The following KCNJ4 variants were observed in gnomAD, a reference collection of about 807,000 sequenced individuals.
KCNJ4 encodes the protein potassium inwardly rectifying channel subfamily J member 4.
A neutral mutation model predicts 25.6 loss-of-function variants in KCNJ4; 3 were observed. The observed-to-expected ratio is 0.12, with a 90% CI of 0.05 to 0.30. The LOEUF (loss-of-function observed/expected upper bound fraction) is 0.30, where lower values mean the gene tolerates loss of function less well. KCNJ4 is among the 10% of genes least tolerant of loss of function. The pLI is 1.00. For missense variants in KCNJ4, 286 were observed against 666.8 expected (o/e 0.43, Z 6.29); for synonymous variants, 257 against 283.9 (o/e 0.91, Z 0.95).
intron 1 of KCNJ4, among the ~76,000 whole-genome samples, chr22:38,437,824 C>T (rs929709008): frequency 5.9e-5 from 9 of 152,018 alleles, no homozygotes; most frequent in Admixed American, 4.6e-4. Context: ...TCCAGGAGGT[C>T]GGGCGCAGTG....
chr22:38,449,775 T>C lies in KCNJ4; in HGVS notation c.-40+5205A>G, dbSNP rs2089398934. On this transcript the variant is annotated intron_variant, in intron 1 of 1. Transcript: ENST00000303592. This position sits in a 1 kb window ranked among gnomAD's most constrained non-coding sequence, Gnocchi z 5.2. ...CTTGCTGAGCCTCAGTTTCCCCTTC[T>C]GTAAATGAGAATCATCTATGTCCAA... Among the ~76,000 whole-genome samples the C allele has an allele frequency of 6.6e-6, 1 of 152,244 alleles. No homozygotes were observed. Among genetic ancestry groups the C allele is most frequent in the Non-Finnish European group, 1.5e-5 (1 of 68,032 alleles).
intron 1 of KCNJ4, among the ~76,000 whole-genome samples, chr22:38,450,190 G>A (rs2089402186): frequency 6.6e-6 from 1 of 152,192 alleles, no homozygotes. Flanking sequence ...CACACCCCAA[G>A]GAGGGCTGAG....
chr22:38,437,269 G>A (rs1183330904), intron 1 of KCNJ4, among the ~76,000 whole-genome samples: 1 of 152,230 alleles, frequency 6.6e-6, no homozygotes, highest in Non-Finnish European at 1.5e-5. Flanking sequence ...GGCGCTGGGG[G>A]CTGGAGGACC....
intron 1 of KCNJ4, among the ~76,000 whole-genome samples, chr22:38,429,849 A>G (rs2093044277): frequency 6.6e-6 from 1 of 151,956 alleles, no homozygotes; most frequent in Non-Finnish European, 1.5e-5. Flanking sequence ...GGAAGTTTCT[A>G]TTTTCTGTTC....
chr22:38,426,901 G>A lies in KCNJ4; in HGVS notation c.1232C>T (p.Ala411Val), dbSNP rs749215036. 6.2e-7 allele frequency: 1 copy of A among 1,613,012 alleles called. No individual in the cohort carries two copies. The highest frequency in any genetic ancestry group is 8.5e-7 in the Non-Finnish European group (1 of 1,179,888). The change falls in exon 2 of 2, where the codon GCG becomes GTG. Residue 411 changes from alanine (A) to valine (V), a missense_variant. By Grantham distance (64) the Ala-to-Val change is moderately conservative (BLOSUM62 0). Transcript: ENST00000303592. ...GAACTCCAGCATCCGGATGATGCCC[G>A]CCTCCTCCTTGGAACCCGCCTCCAG... Reference protein sequence around the residue: ...LGLEAGSKEEAGIIRMLEFGS... With the variant: ...LGLEAGSKEEVGIIRMLEFGS...
Position 38,427,053 on chromosome 22 carries a change from C to T in KCNJ4, c.1080G>A (p.Val360=). The change falls in exon 2 of 2, where the codon GTG becomes GTA. Residue 360 remains valine (V), a synonymous_variant. Coordinates refer to ENST00000303592, the MANE Select transcript of KCNJ4 (RefSeq NM_152868.3). ...TGGGAGGGGGCGGTGGGGCGGGCAG[C>T]ACGGTGATCTTACTCTCCTGCAGCT... ...ARELQESKIT[V]LPAPPPPPSA... is the part of the protein sequence containing the mutation. 1 of 1,612,644 alleles carries T rather than the reference C, an allele frequency of 6.2e-7. No homozygotes were observed.
At chr22:38,438,034 T>A (rs1479339761) in intron 1 of KCNJ4, among the ~76,000 whole-genome samples, 1 of 148,940 alleles carries the variant, frequency 6.7e-6, no homozygotes, top group Non-Finnish European at 1.5e-5. Flanking sequence ...AGGTCAGGAG[T>A]TTGAGACCAG....
intron 1 of KCNJ4, among the ~76,000 whole-genome samples, chr22:38,452,157 C>T (rs2089413662): frequency 6.6e-6 from 1 of 152,188 alleles, no homozygotes; most frequent in South Asian, 2.1e-4. Context: ...TCCTCTGGGC[C>T]CAGGAGAGCC....
chr22:38,428,602 T>G (rs1274607971), intron 1 of KCNJ4, among the ~76,000 whole-genome samples: 1 of 152,108 alleles, frequency 6.6e-6, no homozygotes, highest in Admixed American at 6.6e-5. Context: ...ACTTTTGGGC[T>G]TCTCGGGGGC....
intron 1 of KCNJ4, among the ~76,000 whole-genome samples, chr22:38,444,110 C>T (rs1046214908): frequency 8.5e-5 from 13 of 152,148 alleles, no homozygotes; most frequent in Admixed American, 7.2e-4. Context: ...GCCCCGAGGC[C>T]CTCCCTCCCA....
chr22:38,446,998 G>A (rs1489680868), intron 1 of KCNJ4, among the ~76,000 whole-genome samples: 2 of 151,028 alleles, frequency 1.3e-5, no homozygotes, highest in Admixed American at 6.6e-5. Context: ...CCACCCTTAC[G>A]GGGCAGGGGG....
At chr22:38,434,032 C>T (rs1424615704) in intron 1 of KCNJ4, among the ~76,000 whole-genome samples, 2 of 152,206 alleles carry the variant, frequency 1.3e-5, no homozygotes, top group East Asian at 3.8e-4. Flanking sequence ...CCCCGAGATC[C>T]GTGCCACTGA....
chr22:38,451,097 G>A (rs186051421), intron 1 of KCNJ4, among the ~76,000 whole-genome samples: 1 of 152,380 alleles, frequency 6.6e-6, no homozygotes, highest in East Asian at 1.9e-4. Context: ...ATTTGCAAAA[G>A]CTCCTAGCCC....
intron 1 of KCNJ4, among the ~76,000 whole-genome samples, chr22:38,435,987 G>A (rs2093064348): frequency 6.6e-6 from 1 of 151,890 alleles, no homozygotes; most frequent in African/African-American, 2.4e-5. Flanking sequence ...AGGCCCTGCA[G>A]TCCCCTGTCC....
chr22:38,451,117 C>T (rs2089408041), intron 1 of KCNJ4, among the ~76,000 whole-genome samples: 2 of 152,214 alleles, frequency 1.3e-5, no homozygotes, highest in Admixed American at 6.5e-5. Flanking sequence ...CAGTGCCTGG[C>T]GAGCAAATGT....
chr22:38,444,855 C>A (rs1323978576), intron 1 of KCNJ4, among the ~76,000 whole-genome samples: 1 of 152,228 alleles, frequency 6.6e-6, no homozygotes, highest in Non-Finnish European at 1.5e-5. Context: ...TCCATTCATT[C>A]ATCACCCTAA....
At chr22:38,439,098 G>C (rs1212122763) in intron 1 of KCNJ4, among the ~76,000 whole-genome samples, 1 of 152,174 alleles carries the variant, frequency 6.6e-6, no homozygotes, top group Non-Finnish European at 1.5e-5. Context: ...ATTTAAGTTA[G>C]CTGAGTGTGG....
chr22:38,439,696 A>T (rs185620517), intron 1 of KCNJ4, among the ~76,000 whole-genome samples: 1 of 147,734 alleles, frequency 6.8e-6, no homozygotes, highest in East Asian at 2.0e-4. Context: ...AATGGCATGA[A>T]CCCAGGAGAC....
intron 1 of KCNJ4, among the ~76,000 whole-genome samples, chr22:38,430,585 G>A (rs775995860): frequency 1.3e-5 from 2 of 152,202 alleles, no homozygotes; most frequent in Non-Finnish European, 2.9e-5. Flanking sequence ...GGCCTCTAAC[G>A]TAATGCTGGC....
Sources: gnomAD v4.1 joint callset for allele counts (sites outside exome capture counted in the v4.1 genomes callset) on GRCh38, gnomAD v4.1.1 for gene constraint, Gnocchi (gnomAD v3.1) non-coding constraint, MANE v1.5 for transcripts, NCBI Gene and HGNC (gene_info 2026-07-23, HGNC 2026-07-21) for gene names.